Variants in CNTN5 observed in about 807,000 individuals in gnomAD.
CNTN5 encodes contactin-5.
A neutral mutation model predicts 129.1 loss-of-function variants in CNTN5; 77 were observed. That is an observed-to-expected ratio of 0.60 (90% CI 0.50 to 0.72). The LOEUF (loss-of-function observed/expected upper bound fraction) is 0.72. Among genes scored for constraint, CNTN5 ranks in the 30% least tolerant of loss-of-function variants. The pLI is 0.00. For synonymous variants in CNTN5, 509 were observed against 465.6 expected, an observed-to-expected ratio of 1.09 and a Z score of -1.20; for missense variants, 1,478 against 1,328.8, an observed-to-expected ratio of 1.11 and a Z score of -1.75.
At chr11:99,891,959 C>T (rs1949071747) in intron 6 of CNTN5, among the ~76,000 whole-genome samples, 1 of 152,122 alleles carries the variant, frequency 6.6e-6, no homozygotes, top group African/African-American at 2.4e-5. Context: ...AGTGTAAAAG[C>T]ATTTCTATCT....
intron 17 of CNTN5, among the ~76,000 whole-genome samples, chr11:100,264,765 G>A (rs1200087589): frequency 6.6e-6 from 1 of 152,040 alleles, no homozygotes; most frequent in Admixed American, 6.6e-5. Flanking sequence ...CGATTGCTGG[G>A]TCAAATGGTA....
At chr11:99,472,396 A>G (rs887947865) in intron 2 of CNTN5, among the ~76,000 whole-genome samples, 2 of 152,016 alleles carry the variant, frequency 1.3e-5, no homozygotes, top group African/African-American at 4.8e-5. Flanking sequence ...ATTTACTGCA[A>G]ATTTTGTGTA....
At chr11:100,325,748 T>C (rs1951776204) in intron 21 of CNTN5, among the ~76,000 whole-genome samples, 1 of 152,204 alleles carries the variant, frequency 6.6e-6, no homozygotes, top group Non-Finnish European at 1.5e-5. Flanking sequence ...GTCTGGGAGA[T>C]AAAGTCTAGA....
At chr11:99,709,764 G>A (rs927601052) in intron 3 of CNTN5, among the ~76,000 whole-genome samples, 1 of 151,744 alleles carries the variant, frequency 6.6e-6, no homozygotes, top group Non-Finnish European at 1.5e-5. Context: ...ATTTGAGTTT[G>A]CATTCATTGG....
intron 1 of CNTN5, among the ~76,000 whole-genome samples, chr11:99,289,971 G>A (rs1176814298): frequency 6.6e-6 from 1 of 151,640 alleles, no homozygotes; most frequent in Non-Finnish European, 1.5e-5. Context: ...AAATACAAAT[G>A]CTTCTCTAAT....
intron 12 of CNTN5, among the ~76,000 whole-genome samples, chr11:100,073,570 A>C (rs185972522): frequency 6.6e-6 from 1 of 152,004 alleles, no homozygotes; most frequent in Non-Finnish European, 1.5e-5. Context: ...AAATTATAGT[A>C]TACACAGTAT....
intron 6 of CNTN5, among the ~76,000 whole-genome samples, chr11:99,894,218 T>G (rs1468845841): frequency 6.6e-6 from 1 of 152,136 alleles, no homozygotes; most frequent in Non-Finnish European, 1.5e-5. Flanking sequence ...TGGTGCTTCA[T>G]TTGTCCACAG....
At chr11:99,463,912 A>G (rs1288627658) in intron 2 of CNTN5, among the ~76,000 whole-genome samples, 1 of 152,216 alleles carries the variant, frequency 6.6e-6, no homozygotes, top group Non-Finnish European at 1.5e-5. Context: ...AAAGAAGATT[A>G]TTGATTTTTC....
chr11:99,084,395 T>C (rs1373195627), intron 1 of CNTN5, among the ~76,000 whole-genome samples: 2 of 152,348 alleles, frequency 1.3e-5, no homozygotes, highest in South Asian at 4.1e-4. Context: ...TGGATGATTA[T>C]TTTTAATGTT....
At chr11:99,865,473 A>G in intron 6 of CNTN5, among the ~76,000 whole-genome samples, 1 of 151,932 alleles carries the variant, frequency 6.6e-6, no homozygotes, top group African/African-American at 2.4e-5. Flanking sequence ...CCAGGAAAAA[A>G]TCATGGCTTA....
intron 8 of CNTN5, among the ~76,000 whole-genome samples, chr11:99,961,964 A>G (rs2136191225): frequency 6.7e-6 from 1 of 149,084 alleles, no homozygotes; most frequent in African/African-American, 2.5e-5. Flanking sequence ...ATATACGTAG[A>G]GAGACATATA....
intron 3 of CNTN5, among the ~76,000 whole-genome samples, chr11:99,586,724 T>C (rs932830779): frequency 2.0e-4 from 31 of 152,340 alleles, no homozygotes; most frequent in African/African-American, 7.2e-4. Flanking sequence ...ATGTAATATA[T>C]GTTCACAAAA....
intron 13 of CNTN5, among the ~76,000 whole-genome samples, chr11:100,172,494 A>G (rs541625793): frequency 6.6e-6 from 1 of 152,200 alleles, no homozygotes; most frequent in South Asian, 2.1e-4. Context: ...ATAAGAGGAC[A>G]GAGGAAGAGT....
At chr11:99,601,595 T>G (rs374391797) in intron 3 of CNTN5, among the ~76,000 whole-genome samples, 2 of 152,222 alleles carry the variant, frequency 1.3e-5, no homozygotes, top group Admixed American at 1.3e-4. Flanking sequence ...ATACATAAAC[T>G]TTTTGACAAA....
At chr11:99,938,104 G>A (rs2136101691) in intron 7 of CNTN5, among the ~76,000 whole-genome samples, 1 of 152,070 alleles carries the variant, frequency 6.6e-6, no homozygotes, top group South Asian at 2.1e-4. Flanking sequence ...AAATCAAAAG[G>A]AATTTTATTT....
At chr11:100,202,681 T>C (rs1455611055) in intron 15 of CNTN5, among the ~76,000 whole-genome samples, 1 of 151,982 alleles carries the variant, frequency 6.6e-6, no homozygotes, top group South Asian at 2.1e-4. Context: ...GAATTTTACA[T>C]TTTTAACAGC....
chr11:100,088,330 A>G (rs1055560242), intron 13 of CNTN5, among the ~76,000 whole-genome samples: 1 of 152,128 alleles, frequency 6.6e-6, no homozygotes, highest in African/African-American at 2.4e-5. Context: ...TAGAGGAACT[A>G]GATAAATAAA....
intron 9 of CNTN5, among the ~76,000 whole-genome samples, chr11:100,008,733 GT>G (rs1385362065): frequency 6.6e-6 from 1 of 152,008 alleles, no homozygotes; most frequent in Non-Finnish European, 1.5e-5. Context: ...TTGGTTCCAA[GT>G]TTAAACTAAG....
At chr11:99,819,302 TCC>T (rs1946696175) in intron 3 of CNTN5, among the ~76,000 whole-genome samples, 30 of 4,730 alleles carry the variant, frequency 6.3e-3, no homozygotes, top group Non-Finnish European at 8.0e-3. Context: ...CTCCTCCCCT[TCC>T]CTCCCCTCTC....
Sources: gnomAD v4.1 joint callset for allele counts (sites outside exome capture counted in the v4.1 genomes callset) on GRCh38, gnomAD v4.1.1 for gene constraint, MANE v1.5 for transcripts, NCBI Gene and HGNC (gene_info 2026-07-23, HGNC 2026-07-21) for gene names.